Variants in ZFHX4 observed in about 807,000 individuals in gnomAD.
ZFHX4 encodes the protein zinc finger homeobox 4.
A neutral mutation model predicts 267.6 loss-of-function variants in ZFHX4; 56 were observed. That is an observed-to-expected ratio of 0.21 (90% CI 0.17 to 0.26). ZFHX4 has a LOEUF of 0.26. Ranked by LOEUF, ZFHX4 falls within the 10% of genes least tolerant of loss-of-function variation. ZFHX4 has a pLI of 1.00. For synonymous variants in ZFHX4, 1,778 were observed against 1,665.6 expected, an observed-to-expected ratio of 1.07 and a Z score of -1.64; for missense variants, 4,332 against 4,420.0, an observed-to-expected ratio of 0.98 and a Z score of 0.56.
chr8:76,705,036 A>G lies in ZFHX4; in HGVS notation c.948A>G (p.Lys316=). The G allele has an allele frequency of 6.2e-7, 1 of 1,613,992 alleles. No individual in the cohort carries two copies. ...NDEEQKLLSN[K]CVSAIIQGIG... is the part of the protein sequence containing the mutation. ...AGGAGCAGAAGCTCCTCAGTAATAA[A>G]TGCGTCTCCGCCATAATACAGGGGA... is the stretch of plus-strand genomic sequence containing the variant. The change falls in exon 2 of 11, where the codon AAA becomes AAG. Residue 316 remains lysine (K), a synonymous_variant. Coordinates refer to ENST00000651372, the MANE Select transcript of ZFHX4 (RefSeq NM_024721.5).
chr8:76,748,621 A>C (rs150128498), intron 3 of ZFHX4, among the ~76,000 whole-genome samples: 191 of 152,234 alleles, frequency 1.3e-3, no homozygotes, highest in Non-Finnish European at 2.4e-3. Context: ...TTTTCTGTAG[A>C]GATGAGGTCT....
Position 76,853,938 on chromosome 8 carries a change from A to G in ZFHX4, c.7017A>G (p.Glu2339=). The change falls in exon 10 of 11, where the codon GAA becomes GAG. Residue 2339 remains glutamate, a synonymous_variant. Transcript: ENST00000651372. ...THQKKQCYKD[E]DDDAQDESQT... The stretch of plus-strand genomic sequence containing the variant: ...AGAAAAAGCAGTGTTACAAGGATGA[A>G]GATGATGATGCCCAAGATGAAAGCC... The G allele has an allele frequency of 1.2e-6, 2 of 1,613,912 alleles. No individual in the cohort carries two copies. The highest frequency in any genetic ancestry group is 4.5e-5 in the East Asian group (2 of 44,844).
At chr8:76,699,677 A>C in intron 1 of ZFHX4, among the ~76,000 whole-genome samples, 1 of 151,418 alleles carries the variant, frequency 6.6e-6, no homozygotes, top group Non-Finnish European at 1.5e-5. Context: ...CTTGGGTAAA[A>C]GTGAGGTAGC....
Position 76,705,097 on chromosome 8 carries a change from G to A in ZFHX4, c.1009G>A (p.Glu337Lys). 5 of 1,613,464 alleles carry A rather than the reference G, an allele frequency of 3.1e-6. No homozygotes were observed. Among genetic ancestry groups the A allele is most frequent in the Non-Finnish European group, 4.2e-6 (5 of 1,179,742 alleles). The change falls in exon 2 of 11, where the codon GAA becomes AAA. Residue 337 changes from glutamate to lysine, a missense_variant. Around this residue, in one of 7 missense-constraint regions of ZFHX4, gnomAD observed 1,195 missense variants for 1,173.6 expected, o/e 1.02. Transcript: ENST00000651372. ...KDKEPLISFLEPKKSTSVYPH... is the reference protein window; with the variant it reads ...KDKEPLISFLKPKKSTSVYPH... ...CAAAGAACCTCTTATAAGCTTTCTG[G>A]AACCAAAAAAATCCACTTCTGTTTA...
At chr8:76,712,586 A>G (rs1311610394) in intron 3 of ZFHX4, among the ~76,000 whole-genome samples, 1 of 152,200 alleles carries the variant, frequency 6.6e-6, no homozygotes, top group Non-Finnish European at 1.5e-5. Context: ...TGTGTGGTAC[A>G]CATTTACATA....
At chr8:76,737,614 A>G (rs1809199836) in intron 3 of ZFHX4, among the ~76,000 whole-genome samples, 1 of 152,194 alleles carries the variant, frequency 6.6e-6, no homozygotes, top group Non-Finnish European at 1.5e-5. Context: ...CTTCATTTAT[A>G]ATATGGGATT....
At position 76,706,661 on chromosome 8, in the gene ZFHX4, C is replaced by T. The variant is rs12546893; in HGVS notation, c.2573C>T (p.Ala858Val). The T allele has an allele frequency of 4.4e-6, 7 of 1,589,732 alleles. No individual in the cohort carries two copies. Among genetic ancestry groups the T allele is most frequent in the African/African-American group, 1.4e-5 (1 of 73,978 alleles). ...CAGCTGGATCCAGCGACAGCAGCGGCTTTGGCACCAGGGCTCGGTTAGTAT... is the reference window on the plus strand; with the variant it reads ...CAGCTGGATCCAGCGACAGCAGCGGTTTTGGCACCAGGGCTCGGTTAGTAT... The part of the protein sequence containing the change: ...PFQLDPATAA[A>V]LAPGLVNNEL... The change falls in exon 2 of 11, where the codon GCT (alanine) becomes GTT (valine). Residue 858 changes from alanine (A) to valine (V), a missense_variant. Ala to Val is a moderately conservative substitution (Grantham distance 64). Coordinates refer to ENST00000651372, the MANE Select transcript of ZFHX4 (RefSeq NM_024721.5).
At chr8:76,862,164 A>C (rs1419151199) in intron 10 of ZFHX4, among the ~76,000 whole-genome samples, 1 of 152,198 alleles carries the variant, frequency 6.6e-6, no homozygotes, top group Non-Finnish European at 1.5e-5. Flanking sequence ...GCTGTGTAAT[A>C]GGTTATTATC....
chr8:76,768,798 A>T (rs1372165289), intron 3 of ZFHX4, among the ~76,000 whole-genome samples: 2 of 152,152 alleles, frequency 1.3e-5, no homozygotes, highest in East Asian at 1.9e-4. Context: ...TGCATCCAGG[A>T]TATTAACTAA....
At position 76,855,860 on chromosome 8, in the gene ZFHX4, C is replaced by G; in HGVS notation, c.8939C>G (p.Ala2980Gly). Residue 2980 changes from alanine (A) to glycine (G), a missense_variant, in exon 10 of 11, where the codon GCA (alanine) becomes GGA (glycine). By Grantham distance (60) the Ala-to-Gly change is moderately conservative. This residue lies in a region of ZFHX4 where 1,648 missense variants were observed against 1,625.0 expected (regional missense o/e 1.01). Coordinates refer to ENST00000651372, the MANE Select transcript of ZFHX4 (RefSeq NM_024721.5). ...GTAGTCCAGGTGTGGTTCCAAAATG[C>G]AAGGGCAAAGGAAAAGAAATTTAAA... ...KRVVQVWFQN[A>G]RAKEKKFKIN... The G allele has an allele frequency of 6.2e-7, 1 of 1,613,836 alleles. No individual in the cohort carries two copies. The highest frequency in any genetic ancestry group is 2.2e-5 in the East Asian group (1 of 44,824).
In ZFHX4 at chr8:76,704,601, A is replaced by C; in HGVS notation, c.513A>C (p.Ala171=). ...CAGCGATGTTCCTGGACTCCCTGGC[A>C]TCTGCTGGAGAGAAGAGTGATCAGT... ...FSTAMFLDSL[A]SAGEKSDQSA... The change falls in exon 2 of 11, where the codon GCA becomes GCC. Residue 171 remains alanine, a synonymous_variant. Coordinates refer to ENST00000651372, the MANE Select transcript of ZFHX4 (RefSeq NM_024721.5). 6.2e-7 allele frequency: 1 copy of C among 1,614,026 alleles called. No homozygotes were observed. The highest frequency in any genetic ancestry group is 8.5e-7 in the Non-Finnish European group (1 of 1,179,900).
At chr8:76,819,999 A>C (rs1185227602) in intron 4 of ZFHX4, among the ~76,000 whole-genome samples, 1 of 152,188 alleles carries the variant, frequency 6.6e-6, no homozygotes, top group Non-Finnish European at 1.5e-5. Flanking sequence ...GAACATTACA[A>C]AAATATTGGC....
chr8:76,706,426 A>G lies in ZFHX4; in HGVS notation c.2338A>G (p.Arg780Gly). 1 of 1,614,214 alleles carries G rather than the reference A, an allele frequency of 6.2e-7. No homozygotes were observed. Among genetic ancestry groups the G allele is most frequent in the Non-Finnish European group, 8.5e-7 (1 of 1,180,024 alleles). ...EVCDYETNVA[R>G]NLRIHMTSEK... ...TTGTGATTATGAAACCAATGTCGCC[A>G]GGAACCTCCGAATTCATATGACCAG... The change falls in exon 2 of 11, where the codon AGG becomes GGG. Residue 780 changes from arginine to glycine, a missense_variant. Around this residue, in one of 7 missense-constraint regions of ZFHX4, gnomAD observed 1,195 missense variants for 1,173.6 expected, o/e 1.02. Transcript: ENST00000651372.
At position 76,863,284 on chromosome 8, in the gene ZFHX4, G is replaced by A. The variant is rs528038335; in HGVS notation, c.9570G>A (p.Glu3190=). Residue 3190 remains glutamate, a synonymous_variant, in exon 11 of 11, where the codon GAG becomes GAA. Transcript: ENST00000651372. ...QQTEQQNKES[E]KKQTKPNKVK... The stretch of plus-strand genomic sequence containing the variant: ...CCGAGCAACAGAACAAAGAATCTGA[G>A]AAAAAGCAAACTAAGCCAAACAAGG... 8.1e-6 allele frequency: 13 copies of A among 1,612,406 alleles called. No homozygotes were observed. The highest frequency in any genetic ancestry group is 4.0e-5 in the African/African-American group (3 of 74,864).
intron 1 of ZFHX4, among the ~76,000 whole-genome samples, chr8:76,698,306 G>A (rs1808011531): frequency 6.6e-6 from 1 of 152,104 alleles, no homozygotes; most frequent in South Asian, 2.1e-4. Context: ...AATAAAATGA[G>A]TCATATAATA....
At chr8:76,712,708 G>A (rs1808458532) in intron 3 of ZFHX4, among the ~76,000 whole-genome samples, 1 of 152,068 alleles carries the variant, frequency 6.6e-6, no homozygotes, top group Non-Finnish European at 1.5e-5. Context: ...GCTGTTTTCA[G>A]AGATAAACAA....
rs1039349096 is a variant in ZFHX4 at position 76,866,854 on chromosome 8, A to C, written c.*2289A>C. On this transcript the variant is annotated 3_prime_UTR_variant, in exon 11 of 11. Transcript: ENST00000651372. ...TGGACGTTGTTAGGGTGAGAAATAA[A>C]AGGACAGCCTCCAAAGGTTGAGAAT... The C allele has an allele frequency of 3.9e-5, 6 of 152,642 alleles. No individual in the cohort carries two copies. The highest frequency in any genetic ancestry group is 1.4e-4 in the African/African-American group (6 of 41,464). The allele number at this position is 152,642 out of a possible 1,614,324, so 9.5% of individuals were successfully genotyped here.
rs1177379973 is a variant in ZFHX4, at chr8:76,854,206, C to T, written c.7285C>T (p.Leu2429=). The change falls in exon 10 of 11, where the codon CTG becomes TTG. Residue 2429 remains leucine, a synonymous_variant. Coordinates refer to ENST00000651372, the MANE Select transcript of ZFHX4 (RefSeq NM_024721.5). ...CCCTTCTCAAGGCACCAAACCAGCC[C>T]TGCCATTAGCATCGACTTCCTCGGA... The part of the protein sequence containing the change: ...SPPSQGTKPA[L]PLASTSSDPP... 3 of 1,568,932 alleles carry T rather than the reference C, an allele frequency of 1.9e-6. No homozygotes were observed. Among genetic ancestry groups the T allele is most frequent in the Middle Eastern group, 1.7e-4 (1 of 6,014 alleles).
rs746985510 is a variant in ZFHX4, at chr8:76,853,665, C to T, written c.6744C>T (p.Asn2248=). The T allele has an allele frequency of 5.6e-6, 9 of 1,613,450 alleles. No individual in the cohort carries two copies. The East Asian group carries it at 1.3e-4, about 24-fold the overall frequency. Reference sequence around the variant, plus strand: ...TTCTGCAAGACTTTTTTGACACAAACGCTTACCCAAAAGATGATGAAATAG... The same window carrying T: ...TTCTGCAAGACTTTTTTGACACAAATGCTTACCCAAAAGATGATGAAATAG... ...LRVLQDFFDT[N]AYPKDDEIEQ... is the part of the protein sequence containing the mutation. The change falls in exon 10 of 11, where the codon AAC becomes AAT. Residue 2248 remains asparagine (N), a synonymous_variant. Coordinates refer to ENST00000651372, the MANE Select transcript of ZFHX4 (RefSeq NM_024721.5).
Sources: allele counts gnomAD v4.1 joint callset (sites outside exome capture counted in the v4.1 genomes callset), GRCh38; gene constraint gnomAD v4.1.1; regional missense constraint gnomAD v4.1.1; transcripts MANE v1.5; gene names NCBI Gene and HGNC (gene_info 2026-07-23, HGNC 2026-07-21).